The following JADE3 variants were observed in gnomAD, a reference collection of about 807,000 sequenced individuals.
JADE3 encodes protein Jade-3.
JADE3 carries 2 observed loss-of-function variants against 50.1 expected under a neutral mutation model. The observed-to-expected ratio is 0.04, with a 90% CI of 0.02 to 0.13. The LOEUF (loss-of-function observed/expected upper bound fraction) is 0.13. Ranked by LOEUF, JADE3 falls within the 10% of genes least tolerant of loss-of-function variation. The pLI is 1.00. For synonymous variants in JADE3, 218 were observed against 232.9 expected (o/e 0.94, Z 0.58); for missense variants, 475 against 634.4 (o/e 0.75, Z 2.70).
chrX:47,033,482 G>A (rs969498256), intron 6 of JADE3, 139 bp from the exon 7 acceptor site: 7 of 431,421 alleles, frequency 1.6e-5, no homozygotes, highest in African/African-American at 1.2e-4. Context: ...TAAATCACTC[G>A]ATACTGGATA....
chrX:47,045,605 C>T (rs1556370507), intron 8 of JADE3, among the ~76,000 whole-genome samples: 4 of 112,503 alleles, frequency 3.6e-5, no homozygotes, highest in Non-Finnish European at 7.5e-5. Context: ...TTCTTCTCCT[C>T]AGCACATGGA....
rs1602425690 is a variant in JADE3 at position 47,054,363 on chromosome X, C to T, written c.1178C>T (p.Thr393Ile). The T allele has an allele frequency of 8.3e-7, 1 of 1,211,368 alleles. No homozygotes were observed. Among genetic ancestry groups the T allele is most frequent in the East Asian group, 3.0e-5 (1 of 33,830 alleles). The change falls in exon 9 of 11, where the codon ACC (threonine) becomes ATC (isoleucine). Residue 393 changes from threonine (T) to isoleucine (I), a missense_variant. Thr to Ile is a moderately conservative substitution (Grantham distance 89, BLOSUM62 -1). This residue lies in a region of JADE3 where 81 missense variants were observed against 123.8 expected (regional missense o/e 0.65). Transcript: ENST00000614628. ...CAGAGCCAGGCCAAAAGTGAGAAAA[C>T]CAGCCTGCGGGCACAGAAGCTTCGG... Reference protein sequence around the residue: ...KEQSQAKSEKTSLRAQKLREL... With the variant: ...KEQSQAKSEKISLRAQKLREL...
At chrX:46,922,319 T>G (rs1355023398) in intron 1 of JADE3, among the ~76,000 whole-genome samples, 3 of 111,917 alleles carry the variant, frequency 2.7e-5, no homozygotes, top group African/African-American at 9.7e-5. Context: ...TATGCCTAAT[T>G]GTGGCTTTTA....
intron 1 of JADE3, among the ~76,000 whole-genome samples, chrX:46,936,736 CTA>C (rs1444253718): frequency 9.9e-5 from 11 of 111,670 alleles, no homozygotes; most frequent in Admixed American, 8.6e-4. Flanking sequence ...TTTAAGTTGT[CTA>C]TGTGTGCAGT....
intron 1 of JADE3, among the ~76,000 whole-genome samples, chrX:46,939,911 A>G (rs953611719): frequency 2.7e-5 from 3 of 112,275 alleles, no homozygotes; most frequent in Non-Finnish European, 5.6e-5. Context: ...TGTAAAAATT[A>G]TATGAAATTC....
chrX:47,049,208 G>A (rs1428787740), intron 8 of JADE3, among the ~76,000 whole-genome samples: 1 of 84,098 alleles, frequency 1.2e-5, no homozygotes, highest in Non-Finnish European at 2.2e-5. Flanking sequence ...TTTTCCCTGA[G>A]ACTGAGTCTT....
chrX:46,984,901 C>A lies in JADE3; in HGVS notation c.7C>A (p.Arg3Ser). 1 of 1,208,728 alleles carries A rather than the reference C, an allele frequency of 8.3e-7. No individual in the cohort carries two copies. The highest frequency in any genetic ancestry group is 1.7e-5 in the African/African-American group (1 of 57,674). ...TTTCCCAGGATGCTCCAGGATGAAA[C>A]GCCATAGGCCTGTCAGCAGCAGTGA... MK[R>S]HRPVSSSDSS... The change falls in exon 2 of 11, where the codon CGC becomes AGC. Residue 3 changes from arginine to serine, a missense_variant. Physicochemically the swap from Arg to Ser is moderately radical, Grantham distance 110. This residue lies in a region of JADE3 where 31 missense variants were observed against 29.3 expected (regional missense o/e 1.06). Coordinates refer to ENST00000614628, the MANE Select transcript of JADE3 (RefSeq NM_014735.5).
At chrX:46,913,708 G>A (rs781909491) in intron 1 of JADE3, among the ~76,000 whole-genome samples, 1 of 110,438 alleles carries the variant, frequency 9.1e-6, no homozygotes, top group African/African-American at 3.3e-5. Flanking sequence ...TTTGTGAGGA[G>A]GGGGTGGCGG....
intron 1 of JADE3, among the ~76,000 whole-genome samples, chrX:46,924,087 CTA>C (rs1556338360): frequency 8.9e-6 from 1 of 111,958 alleles, no homozygotes; most frequent in East Asian, 2.8e-4. Context: ...CCCCCAAAGA[CTA>C]AGCCTTTTTT....
At chrX:47,024,661 C>T (rs1928868182) in intron 4 of JADE3, 63 bp from the exon 5 acceptor site, 2 of 681,980 alleles carry the variant, frequency 2.9e-6, no homozygotes, top group Admixed American at 5.8e-5. Context: ...TTTAGCCATC[C>T]ATTCAGTGCC....
At chrX:46,939,098 G>A (rs1338949241) in intron 1 of JADE3, among the ~76,000 whole-genome samples, 18 of 111,815 alleles carry the variant, frequency 1.6e-4, no homozygotes, top group African/African-American at 5.9e-4. Flanking sequence ...AAGTACTGGG[G>A]TTACAGGCGT....
chrX:46,944,837 A>G (rs1171839786), intron 1 of JADE3, among the ~76,000 whole-genome samples: 1 of 110,264 alleles, frequency 9.1e-6, no homozygotes, highest in Non-Finnish European at 1.9e-5. Flanking sequence ...TGTATTTTCA[A>G]TACATATGTG....
At chrX:47,047,549 C>CA (rs782645560) in intron 8 of JADE3, among the ~76,000 whole-genome samples, 302 of 64,051 alleles carry the variant, frequency 4.7e-3, no homozygotes, top group African/African-American at 0.01. Flanking sequence ...AACTCCATTA[C>CA]AAAAAAAAAA....
At chrX:46,956,148 T>C (rs1927109975) in intron 1 of JADE3, among the ~76,000 whole-genome samples, 1 of 112,049 alleles carries the variant, frequency 8.9e-6, no homozygotes, top group Admixed American at 9.4e-5. Context: ...CACTGAAACC[T>C]CTGCCTCCCG....
intron 8 of JADE3, among the ~76,000 whole-genome samples, chrX:47,053,430 T>C (rs948427629): frequency 9.0e-6 from 1 of 110,575 alleles, no homozygotes; most frequent in Non-Finnish European, 1.9e-5. Flanking sequence ...AGAAAGCTTT[T>C]GTATTTTTAG....
chrX:47,006,811 T>C (rs1266939451), intron 4 of JADE3, among the ~76,000 whole-genome samples: 1 of 111,188 alleles, frequency 9.0e-6, no homozygotes, highest in Non-Finnish European at 1.9e-5. Context: ...AATTTTGATA[T>C]GTTGAATTTC....
rs782105698 is a variant in JADE3 at position 47,024,848 on chromosome X, C to T, written c.409C>T (p.Arg137Cys). The T allele has an allele frequency of 1.7e-6, 2 of 1,201,982 alleles. No homozygotes were observed. Among genetic ancestry groups the T allele is most frequent in the Non-Finnish European group, 1.1e-6 (1 of 886,812 alleles). The change falls in exon 5 of 11, where the codon CGC becomes TGC. Residue 137 changes from arginine to cysteine, a missense_variant. Around this residue, in one of 6 missense-constraint regions of JADE3, gnomAD observed 54 missense variants for 51.8 expected, o/e 1.04. Transcript: ENST00000614628. ...CATGGAGTTGGCAGCATCTGTTTGC[C>T]GCTATGACCTAGATGACATGGACAT... is the stretch of plus-strand genomic sequence containing the variant. ...NIMELAASVC[R>C]YDLDDMDIFW...
chrX:46,943,929 A>G (rs1556342771), intron 1 of JADE3, among the ~76,000 whole-genome samples: 1 of 111,080 alleles, frequency 9.0e-6, no homozygotes, highest in African/African-American at 3.3e-5. Context: ...TCATGATTCA[A>G]TCCTGGGAGG....
At chrX:47,037,679 CGGGATG>C (rs1929164473) in intron 7 of JADE3, among the ~76,000 whole-genome samples, 1 of 111,850 alleles carries the variant, frequency 8.9e-6, no homozygotes, top group African/African-American at 3.3e-5. Context: ...TATATATTTA[CGGGATG>C]CATGAGATTT....
Sources: gnomAD v4.1 joint callset for allele counts (sites outside exome capture counted in the v4.1 genomes callset) on GRCh38, gnomAD v4.1.1 for gene constraint, gnomAD v4.1.1 regional missense constraint, MANE v1.5 for transcripts, NCBI Gene and HGNC (gene_info 2026-07-23, HGNC 2026-07-21) for gene names.